The following FBLN5 variants were observed in gnomAD, a reference collection of about 807,000 sequenced individuals.
FBLN5 encodes the protein fibulin-5.
FBLN5 carries 24 observed loss-of-function variants against 61.6 expected under a neutral mutation model. The observed-to-expected ratio is 0.39, with a 90% CI of 0.28 to 0.55. FBLN5 has a LOEUF of 0.55. FBLN5 is among the 20% of genes least tolerant of loss of function. The pLI is 0.65. For missense variants in FBLN5, 470 were observed against 594.1 expected, an observed-to-expected ratio of 0.79 and a Z score of 2.17; for synonymous variants, 213 against 219.8, an observed-to-expected ratio of 0.97 and a Z score of 0.27.
intron 4 of FBLN5, among the ~76,000 whole-genome samples, chr14:91,929,682 A>T (rs1339946811): frequency 2.0e-5 from 3 of 151,728 alleles, no homozygotes; most frequent in African/African-American, 7.3e-5. Flanking sequence ...AAATTCAAAC[A>T]ATATACAAAT....
chr14:91,912,809 C>CAA (rs200501822), intron 4 of FBLN5, among the ~76,000 whole-genome samples: 24,024 of 92,634 alleles, frequency 0.26, 2,649 homozygotes, highest in Middle Eastern at 0.38. Flanking sequence ...GACTCTGACT[C>CAA]AAAAAAAAAA....
intron 4 of FBLN5, among the ~76,000 whole-genome samples, chr14:91,916,495 A>G (rs974134486): frequency 6.6e-6 from 1 of 152,150 alleles, no homozygotes; most frequent in Non-Finnish European, 1.5e-5. Context: ...ATTTCTTCAG[A>G]TGTTCTGTAA....
chr14:91,939,586 C>T (rs75137710), intron 3 of FBLN5, among the ~76,000 whole-genome samples: 1,541 of 152,300 alleles, frequency 0.01, 19 homozygotes, highest in African/African-American at 0.034. Flanking sequence ...AGGTGATGCA[C>T]TCGCCTCGGC....
At chr14:91,893,639 T>A (rs1404525479) in intron 5 of FBLN5, among the ~76,000 whole-genome samples, 4 of 152,194 alleles carry the variant, frequency 2.6e-5, no homozygotes, top group Non-Finnish European at 4.4e-5. Flanking sequence ...ACCCTAGAAT[T>A]AGAAATTGAA....
chr14:91,882,838 C>A lies in FBLN5; in HGVS notation c.862+116G>T. On this transcript the variant is annotated intron_variant, in intron 8 of 10. Coordinates refer to ENST00000342058, the MANE Select transcript of FBLN5 (RefSeq NM_006329.4). The surrounding 1 kb of genome is among the most constrained non-coding windows in gnomAD (Gnocchi z 4.9). ...CACCAGCACCCACTCACACCCCCAC[C>A]CCTGCCACCTTCCCAAAGCTGCACA... 1.6e-6 allele frequency: 2 copies of A among 1,241,046 alleles called. No individual in the cohort carries two copies. The highest frequency in any genetic ancestry group is 1.1e-6 in the Non-Finnish European group (1 of 872,350). The allele number at this position is 1,241,046 out of a possible 1,614,324, so 76.9% of individuals were successfully genotyped here. A position where few individuals can be genotyped will look rare whatever the true frequency, so the allele number is the denominator to read the frequency against.
chr14:91,913,959 T>C (rs570852969), intron 4 of FBLN5, among the ~76,000 whole-genome samples: 14 of 152,324 alleles, frequency 9.2e-5, no homozygotes, highest in South Asian at 2.1e-4. Context: ...TCCAAACTTA[T>C]AGGTCACACC....
rs1351237547 is a variant in FBLN5, at chr14:91,882,911, C to T, written c.862+43G>A. ...CAGATGAGCCCCTGAAGCAGCTCCACCTCACACATACACCCCAGCCAGGCC... is the reference window on the plus strand; with the variant it reads ...CAGATGAGCCCCTGAAGCAGCTCCATCTCACACATACACCCCAGCCAGGCC... On this transcript the variant is annotated intron_variant, in intron 8 of 10. Transcript: ENST00000342058. This position sits in a 1 kb window ranked among gnomAD's most constrained non-coding sequence, Gnocchi z 4.9. 2 of 1,609,754 alleles carry T rather than the reference C, an allele frequency of 1.2e-6. No homozygotes were observed. The highest frequency in any genetic ancestry group is 1.7e-6 in the Non-Finnish European group (2 of 1,177,496).
chr14:91,909,504 C>T (rs901894140), intron 4 of FBLN5, among the ~76,000 whole-genome samples: 1 of 152,090 alleles, frequency 6.6e-6, no homozygotes, highest in Non-Finnish European at 1.5e-5. Flanking sequence ...GTGGGAAATG[C>T]AACTAAAATT....
chr14:91,897,876 C>T (rs2139988206), intron 4 of FBLN5, among the ~76,000 whole-genome samples: 1 of 152,224 alleles, frequency 6.6e-6, no homozygotes, highest in East Asian at 1.9e-4. Context: ...TGGCAAAACC[C>T]TGTTTCTACT....
chr14:91,884,004 C>T (rs1199635665), intron 7 of FBLN5, among the ~76,000 whole-genome samples: 1 of 152,204 alleles, frequency 6.6e-6, no homozygotes, highest in Non-Finnish European at 1.5e-5. Flanking sequence ...GTTGTTCTTG[C>T]ATTTGTTGTT....
chr14:91,911,264 C>T (rs1412961506), intron 4 of FBLN5, among the ~76,000 whole-genome samples: 4 of 152,136 alleles, frequency 2.6e-5, no homozygotes, highest in Admixed American at 6.5e-5. Context: ...GGATTACAGG[C>T]GTGAGCCACC....
Position 91,946,862 on chromosome 14 carries a change from G to T in FBLN5, c.17+351C>A. The T allele has an allele frequency of 2.7e-6, 4 of 1,492,702 alleles. No individual in the cohort carries two copies. The South Asian group carries it at 5.2e-5, about 19-fold the overall frequency. The allele number at this position is 1,492,702 out of a possible 1,614,324, so 92.5% of individuals were successfully genotyped here. Reference sequence around the variant, plus strand: ...CGGCGCAGTAATTGCTAGTGAACTAGTAATTGGCCTCCCGAAATTTAAAAA... The same window carrying T: ...CGGCGCAGTAATTGCTAGTGAACTATTAATTGGCCTCCCGAAATTTAAAAA... On this transcript the variant is annotated intron_variant, in intron 1 of 10. Coordinates refer to ENST00000342058, the MANE Select transcript of FBLN5 (RefSeq NM_006329.4).
Position 91,881,436 on chromosome 14 carries a change from C to A in FBLN5, c.863-18G>T, listed in dbSNP as rs766224509. ...GTTGATGTCTGAAATGCAGGGGAGA[C>A]AAGAAGCGGAGGCAGGGCATTATTG... On this transcript the variant is annotated intron_variant, in intron 8 of 10. Transcript: ENST00000342058. 8.7e-6 allele frequency: 14 copies of A among 1,613,994 alleles called. No homozygotes were observed. The highest frequency in any genetic ancestry group is 1.2e-5 in the Non-Finnish European group (14 of 1,179,976).
At chr14:91,897,750 A>G (rs893956291) in intron 4 of FBLN5, among the ~76,000 whole-genome samples, 1 of 152,182 alleles carries the variant, frequency 6.6e-6, no homozygotes, top group Non-Finnish European at 1.5e-5. Context: ...CTTTTACTGA[A>G]CTAAAGAATT....
At chr14:91,939,938 G>T (rs1428951241) in intron 3 of FBLN5, 1 of 453,748 alleles carries the variant, frequency 2.2e-6, no homozygotes, top group Non-Finnish European at 4.4e-6. Context: ...GAGGCTGATT[G>T]GTCAGAGAGA....
chr14:91,912,231 T>A (rs1292886020), intron 4 of FBLN5, among the ~76,000 whole-genome samples: 1 of 152,242 alleles, frequency 6.6e-6, no homozygotes, highest in African/African-American at 2.4e-5. Flanking sequence ...GTATGGTGAC[T>A]CATGCCTGTA....
rs778432879 is a variant in FBLN5, at chr14:91,937,034, G to A, written c.292C>T (p.Pro98Ser). 9 of 1,614,048 alleles carry A rather than the reference G, an allele frequency of 5.6e-6. No individual in the cohort carries two copies. Among genetic ancestry groups the A allele is most frequent in the South Asian group, 2.2e-5 (2 of 91,088 alleles). The change falls in exon 4 of 11, where the codon CCA becomes TCA. Residue 98 changes from proline to serine, a missense_variant. By Grantham distance (74) the Pro-to-Ser change is moderately conservative (BLOSUM62 -1). Coordinates refer to ENST00000342058, the MANE Select transcript of FBLN5 (RefSeq NM_006329.4). ...GTGGGATAGTTTGGAGCTGAGAGTGGTGGGGCAGCTGCTGGGTACGGACCT... is the reference window on the plus strand; with the variant it reads ...GTGGGATAGTTTGGAGCTGAGAGTGATGGGGCAGCTGCTGGGTACGGACCT... ...YSGPYPAAAP[P>S]LSAPNYPTIS...
At chr14:91,897,068 A>G (rs1432719657) in intron 4 of FBLN5, among the ~76,000 whole-genome samples, 5 of 151,946 alleles carry the variant, frequency 3.3e-5, no homozygotes, top group Non-Finnish European at 7.4e-5. Context: ...CTACCCCAAA[A>G]TGACAGCTGT....
intron 4 of FBLN5, among the ~76,000 whole-genome samples, chr14:91,909,236 A>G (rs553687423): frequency 2.6e-5 from 4 of 152,086 alleles, no homozygotes; most frequent in African/African-American, 7.2e-5. Flanking sequence ...TACTTTTACC[A>G]ACATCAAGCT....
Sources: allele counts gnomAD v4.1 joint callset (sites outside exome capture counted in the v4.1 genomes callset), GRCh38; gene constraint gnomAD v4.1.1; non-coding constraint Gnocchi (gnomAD v3.1); transcripts MANE v1.5; gene names NCBI Gene and HGNC (gene_info 2026-07-23, HGNC 2026-07-21).